PTPRD: variants seen among roughly 807,000 people sequenced by gnomAD.
The protein encoded by PTPRD is protein tyrosine phosphatase receptor type D, also known as receptor-type tyrosine-protein phosphatase delta.
Under a neutral mutation model 214.5 loss-of-function variants are expected in PTPRD, and 34 were observed. The ratio of observed to expected loss-of-function variants is 0.16; its 90% CI spans 0.12 to 0.21. PTPRD has a LOEUF of 0.21. Ranked by LOEUF, PTPRD falls within the 10% of genes least tolerant of loss-of-function variation. The pLI, the probability that PTPRD is intolerant of heterozygous loss-of-function variation, is 1.00. For synonymous variants in PTPRD, 1,128 were observed against 845.7 expected, an observed-to-expected ratio of 1.33 and a Z score of -5.79; for missense variants, 2,545 against 2,398.7, an observed-to-expected ratio of 1.06 and a Z score of -1.27.
At chr9:9,628,734 C>T (rs565318360) in intron 7 of PTPRD, among the ~76,000 whole-genome samples, 94 of 152,092 alleles carry the variant, frequency 6.2e-4, no homozygotes, top group African/African-American at 2.2e-3. Context: ...TAACTATCTT[C>T]TCAGGTTTTT....
intron 5 of PTPRD, among the ~76,000 whole-genome samples, chr9:9,793,375 C>G (rs928016111): frequency 5.3e-5 from 8 of 151,958 alleles, no homozygotes; most frequent in Non-Finnish European, 1.2e-4. Context: ...AAAAGTAAAA[C>G]TCCTACTTGG....
At chr9:9,320,088 T>C (rs941526450) in intron 9 of PTPRD, among the ~76,000 whole-genome samples, 1 of 152,168 alleles carries the variant, frequency 6.6e-6, no homozygotes, top group Non-Finnish European at 1.5e-5. Context: ...ATAATAATGT[T>C]TTATTTGAAA....
intron 2 of PTPRD, among the ~76,000 whole-genome samples, chr9:10,419,653 T>C (rs989019886): frequency 2.8e-4 from 42 of 151,776 alleles, no homozygotes; most frequent in African/African-American, 1.0e-3. Context: ...TTTTAAACAC[T>C]TAGTCTGATC....
At chr9:8,932,120 C>T (rs1378412091) in intron 11 of PTPRD, among the ~76,000 whole-genome samples, 3 of 152,078 alleles carry the variant, frequency 2.0e-5, no homozygotes, top group Non-Finnish European at 4.4e-5. Context: ...CTCCTGGATT[C>T]GTTGATTTTT....
At chr9:9,503,034 A>G (rs923148784) in intron 8 of PTPRD, among the ~76,000 whole-genome samples, 18 of 151,930 alleles carry the variant, frequency 1.2e-4, no homozygotes, top group African/African-American at 4.3e-4. Context: ...AAATTCATCA[A>G]ATTGTGTCAA....
intron 5 of PTPRD, among the ~76,000 whole-genome samples, chr9:9,786,613 G>T (rs1436503885): frequency 1.3e-5 from 2 of 152,098 alleles, no homozygotes; most frequent in Non-Finnish European, 2.9e-5. Context: ...TCACTTGCAG[G>T]TGGCTGGGTC....
chr9:10,229,924 A>G (rs1440086187), intron 3 of PTPRD, among the ~76,000 whole-genome samples: 2 of 152,038 alleles, frequency 1.3e-5, no homozygotes, highest in Admixed American at 1.3e-4. Context: ...CCACTTCACA[A>G]GCTTATATTA....
chr9:9,565,914 T>C (rs1265346567), intron 8 of PTPRD, among the ~76,000 whole-genome samples: 1 of 151,968 alleles, frequency 6.6e-6, no homozygotes, highest in African/African-American at 2.4e-5. Flanking sequence ...TGATGGTGTC[T>C]TCTATAGTAG....
At chr9:9,548,628 C>T (rs976390221) in intron 8 of PTPRD, among the ~76,000 whole-genome samples, 1 of 151,502 alleles carries the variant, frequency 6.6e-6, no homozygotes, top group African/African-American at 2.4e-5. Context: ...CAAAGAGATA[C>T]ACTTTTAAAG....
chr9:9,516,008 T>C lies in PTPRD; in HGVS notation c.-237+58724A>G, dbSNP rs1273294659. 2.6e-5 allele frequency among the ~76,000 whole-genome samples: 4 copies of C among 152,142 alleles called. No homozygotes were observed. The East Asian group carries it at 7.7e-4, about 29-fold the overall frequency. ...GTGAATGCTGCAATTGGAACTAATT[T>C]ATTTGTACCCATATGCAAGCATTCA... On this transcript the variant is annotated intron_variant, in intron 8 of 45. Transcript: ENST00000381196.
chr9:10,591,554 T>G (rs1355336851), intron 2 of PTPRD, among the ~76,000 whole-genome samples: 1 of 151,856 alleles, frequency 6.6e-6, no homozygotes, highest in Admixed American at 6.6e-5. Context: ...TGTACATTTC[T>G]TATTCATTGC....
chr9:9,169,385 G>C (rs2099910243), intron 10 of PTPRD, among the ~76,000 whole-genome samples: 1 of 152,046 alleles, frequency 6.6e-6, no homozygotes, highest in South Asian at 2.1e-4. Flanking sequence ...TTTTGATAAT[G>C]AATAGACGGT....
chr9:8,466,693 T>A (rs1045445901), intron 31 of PTPRD, among the ~76,000 whole-genome samples: 2 of 151,916 alleles, frequency 1.3e-5, no homozygotes, highest in African/African-American at 4.8e-5. Context: ...TTATTTTATT[T>A]ATTTTAATAT....
At chr9:8,725,254 C>G (rs1309269257) in intron 12 of PTPRD, among the ~76,000 whole-genome samples, 1 of 152,116 alleles carries the variant, frequency 6.6e-6, no homozygotes, top group Non-Finnish European at 1.5e-5. Flanking sequence ...CCCTTTAATG[C>G]TTGTTACTGT....
intron 5 of PTPRD, among the ~76,000 whole-genome samples, chr9:9,823,443 C>T (rs1053731933): frequency 2.0e-5 from 3 of 152,166 alleles, no homozygotes. Context: ...CCAAACACCT[C>T]CCACTAGGCC....
At chr9:8,531,521 T>G (rs751919485) in intron 14 of PTPRD, among the ~76,000 whole-genome samples, 1 of 152,074 alleles carries the variant, frequency 6.6e-6, no homozygotes, top group Non-Finnish European at 1.5e-5. Context: ...CTATACCGCC[T>G]TCATAAAAAT....
At chr9:9,175,081 C>G (rs2131143994) in intron 10 of PTPRD, among the ~76,000 whole-genome samples, 1 of 152,192 alleles carries the variant, frequency 6.6e-6, no homozygotes, top group East Asian at 1.9e-4. Flanking sequence ...CACCAGACAC[C>G]AAATTTGCCA....
rs758648301 is a variant in PTPRD at position 8,337,661 on chromosome 9, T to TA, written c.5379+1260dup. Among the ~76,000 whole-genome samples, 322 of 145,666 alleles carry TA rather than the reference T, an allele frequency of 2.2e-3. 2 individuals carry two copies. The highest frequency in any genetic ancestry group is 6.0e-3 in the African/African-American group (240 of 39,988). ...AAATTATACAATCACAGGGAGACTTTAAAAAAAAAAAGGTGAGCAACTTCC... is the reference window on the plus strand; with the variant it reads ...AAATTATACAATCACAGGGAGACTTTAAAAAAAAAAAAGGTGAGCAACTTCC... On this transcript the variant is annotated intron_variant, in intron 43 of 45. Transcript: ENST00000381196.
intron 14 of PTPRD, among the ~76,000 whole-genome samples, chr9:8,617,458 C>G (rs1259924648): frequency 4.6e-5 from 7 of 152,056 alleles, no homozygotes; most frequent in African/African-American, 1.7e-4. Flanking sequence ...ATTCCTATTC[C>G]TGATTACTAG....
Sources: allele counts gnomAD v4.1 joint callset (sites outside exome capture counted in the v4.1 genomes callset), GRCh38; gene constraint gnomAD v4.1.1; transcripts MANE v1.5; gene names NCBI Gene and HGNC (gene_info 2026-07-23, HGNC 2026-07-21).